LAMA1: variants seen among roughly 807,000 people sequenced by gnomAD.
The protein encoded by LAMA1 is laminin subunit alpha 1.
Under a neutral mutation model 348.7 loss-of-function variants are expected in LAMA1, and 219 were observed. The ratio of observed to expected loss-of-function variants is 0.63; its 90% CI spans 0.56 to 0.70. LAMA1 has a LOEUF of 0.70. LAMA1 is among the 30% of genes least tolerant of loss of function. LAMA1 has a pLI of 0.00. For synonymous variants in LAMA1, 1,487 were observed against 1,491.0 expected, an observed-to-expected ratio of 1.00 and a Z score of 0.06; for missense variants, 3,744 against 3,888.0, an observed-to-expected ratio of 0.96 and a Z score of 0.99.
At chr18:6,969,425 A>T (rs1241948294) in intron 48 of LAMA1, among the ~76,000 whole-genome samples, 1 of 152,230 alleles carries the variant, frequency 6.6e-6, no homozygotes, top group African/African-American at 2.4e-5. Context: ...CATGCATGTC[A>T]GCATATTAAT....
Position 7,102,299 on chromosome 18 carries a change from C to A in LAMA1, c.61+15361G>T, listed in dbSNP as rs963373542. Among the ~76,000 whole-genome samples the A allele has an allele frequency of 3.3e-5, 5 of 152,046 alleles. No homozygotes were observed. In the East Asian group the frequency reaches 7.7e-4, roughly 23 times the overall value. ...CAAAAATCCATCTATGACATAAATT[C>A]TGTATGCCTTTGTTCTGTTCCTGAG... On this transcript the variant is annotated intron_variant, in intron 1 of 62. Coordinates refer to ENST00000389658, the MANE Select transcript of LAMA1 (RefSeq NM_005559.4).
chr18:7,107,802 C>T (rs1377891517), intron 1 of LAMA1, among the ~76,000 whole-genome samples: 2 of 151,682 alleles, frequency 1.3e-5, no homozygotes, highest in African/African-American at 4.8e-5. Context: ...ATCACGAGGT[C>T]AGGAGATTGA....
Position 6,948,383 on chromosome 18 carries a change from A to T in LAMA1, c.8710+20T>A, listed in dbSNP as rs1232593675. On this transcript the variant is annotated intron_variant, in intron 60 of 62. Transcript: ENST00000389658. ...CAGACTCATTCGGGGACTGCCTTCG[A>T]GAGTGTTGCTAACACATACCAAGAG... is the stretch of plus-strand genomic sequence containing the variant. 9 of 1,614,040 alleles carry T rather than the reference A, an allele frequency of 5.6e-6. No individual in the cohort carries two copies. The highest frequency in any genetic ancestry group is 7.6e-6 in the Non-Finnish European group (9 of 1,180,046).
chr18:7,011,083 C>T (rs1003856741), intron 25 of LAMA1, among the ~76,000 whole-genome samples: 1 of 152,096 alleles, frequency 6.6e-6, no homozygotes, highest in Admixed American at 6.5e-5. Context: ...ATTAATATAA[C>T]GTGAACTTAA....
intron 29 of LAMA1, among the ~76,000 whole-genome samples, chr18:7,005,083 C>A (rs1369863865): frequency 1.3e-5 from 2 of 152,314 alleles, no homozygotes; most frequent in South Asian, 2.1e-4. Flanking sequence ...CAGTGACATG[C>A]ACACCACAGG....
At chr18:7,044,866 A>G (rs1288614371) in intron 6 of LAMA1, 27 bp from the exon 7 acceptor site, 3 of 1,495,502 alleles carry the variant, frequency 2.0e-6, no homozygotes, top group African/African-American at 1.4e-5. Flanking sequence ...CCAAAACTGA[A>G]TTAGAAAATG....
rs180769920 is a variant in LAMA1, at chr18:6,958,862, G to A, written c.7779-200C>T. On this transcript the variant is annotated intron_variant, in intron 54 of 62. Transcript: ENST00000389658. ...AACTGAAGATTTTTCAGAAACGAAT[G>A]GAATGTTATTAAATATCCATTGAAT... Among the ~76,000 whole-genome samples, 25 of 152,024 alleles carry A rather than the reference G, an allele frequency of 1.6e-4. No individual in the cohort carries two copies. In the East Asian group the frequency reaches 4.8e-3, roughly 29 times the overall value.
At chr18:7,017,155 G>A in intron 20 of LAMA1, 123 bp downstream of exon 20, 1 of 801,818 alleles carries the variant, frequency 1.2e-6, no homozygotes, top group South Asian at 1.5e-5. Flanking sequence ...CCCAGTCTTG[G>A]GTAGTATCTC....
chr18:6,981,008 C>T (rs1274819357), intron 41 of LAMA1, among the ~76,000 whole-genome samples: 2 of 151,396 alleles, frequency 1.3e-5, no homozygotes, highest in South Asian at 2.1e-4. Flanking sequence ...GAGGCTGAGG[C>T]AGGAGAATGG....
At chr18:7,022,764 T>C (rs2057923748) in intron 19 of LAMA1, among the ~76,000 whole-genome samples, 1 of 152,142 alleles carries the variant, frequency 6.6e-6, no homozygotes, top group Non-Finnish European at 1.5e-5. Context: ...GTTACAGTCT[T>C]ACCATTTCCC....
At position 6,997,818 on chromosome 18, in the gene LAMA1, G is replaced by C. The variant is rs772544804; in HGVS notation, c.4730C>G (p.Ser1577Cys). The C allele has an allele frequency of 6.2e-7, 1 of 1,614,070 alleles. No homozygotes were observed. Among genetic ancestry groups the C allele is most frequent in the Admixed American group, 1.7e-5 (1 of 60,026 alleles). Reference sequence around the variant, plus strand: ...AGGGATAATGCCAGTGAGGTTCAGAGAAAGAACGGCATCACCAATCTCATC... The same window carrying C: ...AGGGATAATGCCAGTGAGGTTCAGACAAAGAACGGCATCACCAATCTCATC... ...DLDEIGDAVL[S>C]LNLTGIIPVP... Residue 1577 changes from serine (S) to cysteine (C), a missense_variant, in exon 33 of 63, where the codon TCT (serine) becomes TGT (cysteine). Ser to Cys is a moderately radical substitution (Grantham distance 112). This residue lies in a region of LAMA1 where 1,983 missense variants were observed against 1,934.3 expected (regional missense o/e 1.03). Transcript: ENST00000389658.
At chr18:7,069,491 C>T (rs1460103453) in intron 3 of LAMA1, among the ~76,000 whole-genome samples, 1 of 152,190 alleles carries the variant, frequency 6.6e-6, no homozygotes, top group African/African-American at 2.4e-5. Flanking sequence ...CTCCGGTTGA[C>T]GGGTGAGGCT....
In LAMA1 at chr18:7,007,238, T is replaced by C; in HGVS notation, c.4161A>G (p.Ala1387=). The part of the protein sequence containing the change: ...APGYHRGKLP[A]GSDRGPRPLV... ...GAGGGCGTGGTCCCCTGTCACTCCCTGCTGGGAGCTTCCCTCTGTGGTACC... is the reference window on the plus strand; with the variant it reads ...GAGGGCGTGGTCCCCTGTCACTCCCCGCTGGGAGCTTCCCTCTGTGGTACC... The change falls in exon 29 of 63, where the codon GCA becomes GCG. Residue 1387 remains alanine (A), a synonymous_variant. Coordinates refer to ENST00000389658, the MANE Select transcript of LAMA1 (RefSeq NM_005559.4). 3 of 1,614,136 alleles carry C rather than the reference T, an allele frequency of 1.9e-6. No individual in the cohort carries two copies.
At chr18:6,968,150 T>C (rs900283462) in intron 48 of LAMA1, among the ~76,000 whole-genome samples, 2 of 152,160 alleles carry the variant, frequency 1.3e-5, no homozygotes, top group African/African-American at 4.8e-5. Flanking sequence ...TCACAGCACT[T>C]TGTGGACAGC....
chr18:7,100,214 G>A (rs1355387058), intron 1 of LAMA1, among the ~76,000 whole-genome samples: 1 of 152,040 alleles, frequency 6.6e-6, no homozygotes, highest in Non-Finnish European at 1.5e-5. Flanking sequence ...TACTTGAATA[G>A]ACATTTCACC....
At position 6,945,926 on chromosome 18, in the gene LAMA1, C is replaced by T. The variant is rs184683760; in HGVS notation, c.8844+1237G>A. ...AAAGGGCCATCGAGACTCCCTTCCC[C>T]GCATCCTGCCTGCGCCCAGACAGCC... On this transcript the variant is annotated intron_variant, in intron 61 of 62. Coordinates refer to ENST00000389658, the MANE Select transcript of LAMA1 (RefSeq NM_005559.4). Among the ~76,000 whole-genome samples, 720 of 152,084 alleles carry T rather than the reference C, an allele frequency of 4.7e-3. 6 individuals are homozygous for T. The highest frequency in any genetic ancestry group is 0.017 in the African/African-American group (685 of 41,494).
intron 49 of LAMA1, 93 bp downstream of exon 49, chr18:6,966,054 T>C: frequency 7.2e-7 from 1 of 1,389,976 alleles, no homozygotes; most frequent in Non-Finnish European, 1.0e-6. Context: ...TATGTACATA[T>C]TTAATTAGTA....
At chr18:6,959,239 C>T (rs2057595480) in intron 54 of LAMA1, 102 bp downstream of exon 54, 2 of 1,477,058 alleles carry the variant, frequency 1.4e-6, no homozygotes. Context: ...TGCCGATGAC[C>T]CCAGTCATCT....
intron 12 of LAMA1, 66 bp downstream of exon 12, chr18:7,037,512 A>ATGG: frequency 6.3e-7 from 1 of 1,583,084 alleles, no homozygotes; most frequent in Non-Finnish European, 8.7e-7. Flanking sequence ...CAGGCAGCGC[A>ATGG]AGTTCTTTCT....
Sources: allele counts gnomAD v4.1 joint callset (sites outside exome capture counted in the v4.1 genomes callset), GRCh38; gene constraint gnomAD v4.1.1; regional missense constraint gnomAD v4.1.1; transcripts MANE v1.5; gene names NCBI Gene and HGNC (gene_info 2026-07-23, HGNC 2026-07-21).